Variants in SFXN1 observed in about 807,000 individuals in gnomAD.
SFXN1 encodes sideroflexin 1, also known as sideroflexin-1.
Under a neutral mutation model 39.5 loss-of-function variants are expected in SFXN1, and 32 were observed. That is an observed-to-expected ratio of 0.81 (90% CI 0.61 to 1.09). SFXN1 has a LOEUF of 1.09. SFXN1 is among the 50% of genes least tolerant of loss of function. SFXN1 has a pLI of 0.00. For missense variants in SFXN1, 402 were observed against 407.1 expected, an observed-to-expected ratio of 0.99 and a Z score of 0.11; for synonymous variants, 136 against 146.5, an observed-to-expected ratio of 0.93 and a Z score of 0.52.
At chr5:175,510,282 TA>T in intron 4 of SFXN1, 75 bp downstream of exon 4, 1 of 1,181,438 alleles carries the variant, frequency 8.5e-7, no homozygotes, top group Non-Finnish European at 1.2e-6. Flanking sequence ...CTCTCCTGTT[TA>T]AAAAAGCCTA....
intron 7 of SFXN1, 131 bp from the exon 8 acceptor site, chr5:175,516,483 C>A: frequency 1.4e-6 from 1 of 706,902 alleles, no homozygotes; most frequent in Non-Finnish European, 2.4e-6. Context: ...AGAATTGCTA[C>A]AAACTGTTTT....
At chr5:175,484,175 T>C (rs1245712959) in intron 1 of SFXN1, 1 of 152,306 alleles carries the variant, frequency 6.6e-6, no homozygotes, top group East Asian at 1.9e-4. Flanking sequence ...GTCCTAGCAC[T>C]GTCCCTATCC....
intron 2 of SFXN1, among the ~76,000 whole-genome samples, chr5:175,493,983 A>G (rs1172020450): frequency 2.0e-5 from 3 of 152,228 alleles, no homozygotes; most frequent in African/African-American, 7.2e-5. Context: ...GTGTTTGCCA[A>G]TCCCTGATAT....
At chr5:175,493,816 G>A (rs1759753316) in intron 2 of SFXN1, among the ~76,000 whole-genome samples, 1 of 151,980 alleles carries the variant, frequency 6.6e-6, no homozygotes, top group African/African-American at 2.4e-5. Flanking sequence ...ACAGAGGTCG[G>A]CAAACTTTTT....
Position 175,484,630 on chromosome 5 carries a change from C to CTA in SFXN1, c.-10+5992_-10+5993dup, listed in dbSNP as rs1175978273. Among the ~76,000 whole-genome samples, 7 of 152,382 alleles carry CTA rather than the reference C, an allele frequency of 4.6e-5. No individual in the cohort carries two copies. The East Asian group carries it at 1.3e-3, about 29-fold the overall frequency. ...CAGCATCTCGCTCCCTGAATAGACT[C>CTA]TAGACACAAAATGGAGCCAGCACAG... On this transcript the variant is annotated intron_variant, in intron 1 of 10. Transcript: ENST00000321442.
intron 2 of SFXN1, among the ~76,000 whole-genome samples, chr5:175,505,717 A>C (rs1008039490): frequency 6.6e-6 from 1 of 152,192 alleles, no homozygotes; most frequent in Non-Finnish European, 1.5e-5. Context: ...GAATATGTAG[A>C]TAAGTGGAAA....
At chr5:175,524,479 T>G (rs1760998352) in intron 10 of SFXN1, among the ~76,000 whole-genome samples, 1 of 152,076 alleles carries the variant, frequency 6.6e-6, no homozygotes, top group Non-Finnish European at 1.5e-5. Flanking sequence ...CCGTCTCCTA[T>G]GTGAACAAGT....
At chr5:175,480,358 G>T (rs892792054) in intron 1 of SFXN1, among the ~76,000 whole-genome samples, 2 of 151,832 alleles carry the variant, frequency 1.3e-5, no homozygotes, top group Non-Finnish European at 2.9e-5. Context: ...CCGAGATCGC[G>T]CCACTGCACT....
At chr5:175,483,043 GACTTTGA>G (rs1759314866) in intron 1 of SFXN1, among the ~76,000 whole-genome samples, 1 of 152,120 alleles carries the variant, frequency 6.6e-6, no homozygotes, top group African/African-American at 2.4e-5. Context: ...TAAATAAAAA[GACTTTGA>G]GAAATCTATT....
chr5:175,504,310 C>CA (rs1760205314), intron 2 of SFXN1, among the ~76,000 whole-genome samples: 1 of 152,044 alleles, frequency 6.6e-6, no homozygotes, highest in African/African-American at 2.4e-5. Context: ...CGAGGTGGCT[C>CA]ACGCCTGTAA....
intron 2 of SFXN1, among the ~76,000 whole-genome samples, chr5:175,499,738 G>C (rs1035317611): frequency 2.6e-5 from 4 of 152,186 alleles, no homozygotes; most frequent in African/African-American, 9.7e-5. Flanking sequence ...GCAAGGCAAG[G>C]ATTTCTGCTC....
intron 2 of SFXN1, among the ~76,000 whole-genome samples, chr5:175,500,706 A>C (rs1760043108): frequency 6.6e-6 from 1 of 152,222 alleles, no homozygotes; most frequent in South Asian, 2.1e-4. Context: ...AGAAACTCAC[A>C]CTACCTGGTC....
At chr5:175,516,338 C>T (rs1038706012) in intron 7 of SFXN1, among the ~76,000 whole-genome samples, 3 of 152,114 alleles carry the variant, frequency 2.0e-5, no homozygotes, top group African/African-American at 4.8e-5. Flanking sequence ...TTATTTTTGT[C>T]TACTTAAACC....
intron 2 of SFXN1, among the ~76,000 whole-genome samples, chr5:175,505,537 C>CAATAATAATAATAATAATAAT (rs3049011): frequency 1.6e-3 from 236 of 143,854 alleles, no homozygotes; most frequent in Middle Eastern, 7.1e-3. Flanking sequence ...AACTCCATCA[C>CAATAATAATAATAATAATAAT]AATAATAATA....
At chr5:175,512,244 GTC>G (rs1490907804) in intron 6 of SFXN1, 48 bp downstream of exon 6, 1 of 1,500,854 alleles carries the variant, frequency 6.7e-7, no homozygotes, top group Non-Finnish European at 9.2e-7. Context: ...TGACAGGAGA[GTC>G]TCTTGTAATA....
intron 1 of SFXN1, among the ~76,000 whole-genome samples, chr5:175,480,191 G>A (rs1217486385): frequency 6.6e-6 from 1 of 152,176 alleles, no homozygotes; most frequent in African/African-American, 2.4e-5. Context: ...CACGAGGTCA[G>A]GAGATCAAGA....
intron 2 of SFXN1, among the ~76,000 whole-genome samples, chr5:175,493,765 C>T (rs975544573): frequency 1.6e-4 from 25 of 152,214 alleles, no homozygotes; most frequent in African/African-American, 5.1e-4. Flanking sequence ...GTACAATTAC[C>T]GATAGAGAGA....
intron 1 of SFXN1, among the ~76,000 whole-genome samples, chr5:175,482,275 T>A (rs1356455120): frequency 6.6e-6 from 1 of 152,200 alleles, no homozygotes; most frequent in Admixed American, 6.5e-5. Flanking sequence ...TACGGTAGTT[T>A]TGACCAACAG....
At chr5:175,519,272 A>G (rs961973605) in intron 8 of SFXN1, among the ~76,000 whole-genome samples, 1 of 152,258 alleles carries the variant, frequency 6.6e-6, no homozygotes, top group African/African-American at 2.4e-5. Context: ...TGGTACAGTC[A>G]TGTGAGAAAA....
Sources: allele counts gnomAD v4.1 joint callset (sites outside exome capture counted in the v4.1 genomes callset), GRCh38; gene constraint gnomAD v4.1.1; transcripts MANE v1.5; gene names NCBI Gene and HGNC (gene_info 2026-07-23, HGNC 2026-07-21).